Variants in TMEM182 observed in about 807,000 individuals in gnomAD.
The protein encoded by TMEM182 is transmembrane protein 182.
TMEM182 carries 20 observed loss-of-function variants against 26.8 expected under a neutral mutation model. The ratio of observed to expected loss-of-function variants is 0.75; its 90% confidence interval spans 0.53 to 1.09. TMEM182 has a LOEUF of 1.09. TMEM182 is among the 50% of genes least tolerant of loss of function. The probability of loss-of-function intolerance (pLI) is 0.00; values close to 1 mark genes in which losing one functional copy is unlikely to be tolerated. For synonymous variants in TMEM182, 109 were observed against 102.2 expected, an observed-to-expected ratio of 1.07 and a Z score of -0.40; for missense variants, 277 against 275.5, an observed-to-expected ratio of 1.01 and a Z score of -0.04.
In TMEM182 at chr2:102,744,918, C is replaced by T. The variant is rs559203459; in HGVS notation, c.-83+7905C>T. Among the ~76,000 whole-genome samples the T allele has an allele frequency of 3.9e-5, 6 of 152,108 alleles. No homozygotes were observed. The South Asian group carries it at 1.2e-3, about 32-fold the overall frequency. On this transcript the variant is annotated intron_variant, in intron 1 of 5. Coordinates refer to the TMEM182 transcript ENST00000409173. ...GGGCATTAATCCTACTTGGTATTCTCTGCATTTCCTGTCTCTGTCATTTGA... is the reference window on the plus strand; with the variant it reads ...GGGCATTAATCCTACTTGGTATTCTTTGCATTTCCTGTCTCTGTCATTTGA...
At chr2:102,750,579 G>A (rs536039240) in intron 1 of TMEM182, among the ~76,000 whole-genome samples, 5 of 152,114 alleles carry the variant, frequency 3.3e-5, no homozygotes, top group South Asian at 2.1e-4. Context: ...AGGTCTTTCC[G>A]GGTATTCAAT....
intron 4 of TMEM182, among the ~76,000 whole-genome samples, chr2:102,799,927 G>C (rs745812147): frequency 5.3e-5 from 8 of 152,038 alleles, no homozygotes; most frequent in Non-Finnish European, 1.0e-4. Flanking sequence ...CAGGAGGGCA[G>C]GAGAAGGTCA....
At position 102,834,426 on chromosome 2, in the gene TMEM182, G is replaced by C. The variant is rs796799206; in HGVS notation, c.326-8986G>C. Reference sequence around the variant, plus strand: ...GTAAACAGAAATCTAGAAGATGGGGGGATGGAAGTGAAGTGGAATGTAAAA... The same window carrying C: ...GTAAACAGAAATCTAGAAGATGGGGCGATGGAAGTGAAGTGGAATGTAAAA... On this transcript the variant is annotated intron_variant, in intron 3 of 3. Transcript: ENST00000486293. 1.0e-5 allele frequency: 10 copies of C among 985,308 alleles called. No individual in the cohort carries two copies. In the South Asian group the frequency reaches 3.3e-4, roughly 32 times the overall value. The allele number at this position is 985,308 out of a possible 1,614,324, so 61.0% of individuals were successfully genotyped here.
At chr2:102,792,829 A>G (rs757777143) in intron 3 of TMEM182, among the ~76,000 whole-genome samples, 1 of 152,168 alleles carries the variant, frequency 6.6e-6, no homozygotes, top group African/African-American at 2.4e-5. Flanking sequence ...GGGATTCAGA[A>G]TCAAAAGCTG....
At chr2:102,784,401 G>A (rs1028096576) in intron 3 of TMEM182, among the ~76,000 whole-genome samples, 3 of 151,582 alleles carry the variant, frequency 2.0e-5, no homozygotes, top group Admixed American at 1.3e-4. Flanking sequence ...ACTCCCATGC[G>A]AAACCAGACT....
chr2:102,756,096 C>G (rs1225112348), intron 1 of TMEM182, among the ~76,000 whole-genome samples: 1 of 152,146 alleles, frequency 6.6e-6, no homozygotes. Context: ...TGAGGAGCTA[C>G]TGGTGCTCCA....
At chr2:102,741,298 T>G (rs1410386017) in intron 1 of TMEM182, among the ~76,000 whole-genome samples, 1 of 152,114 alleles carries the variant, frequency 6.6e-6, no homozygotes, top group African/African-American at 2.4e-5. Flanking sequence ...TTAGAAACTC[T>G]TAGAGAGTTA....
intron 1 of TMEM182, among the ~76,000 whole-genome samples, chr2:102,756,943 G>C (rs1680057315): frequency 6.6e-6 from 1 of 152,054 alleles, no homozygotes; most frequent in Admixed American, 6.5e-5. Flanking sequence ...CTCCCAAGTA[G>C]GTGGGATTAC....
intron 3 of TMEM182, among the ~76,000 whole-genome samples, chr2:102,792,087 G>A (rs1277870600): frequency 1.3e-5 from 2 of 148,702 alleles, no homozygotes; most frequent in Non-Finnish European, 3.0e-5. Flanking sequence ...TAGCCTCTAA[G>A]GACAGTCTTT....
At chr2:102,767,484 T>A (rs2104667207) in intron 3 of TMEM182, among the ~76,000 whole-genome samples, 1 of 152,338 alleles carries the variant, frequency 6.6e-6, no homozygotes, top group East Asian at 1.9e-4. Flanking sequence ...TTGGCAACGA[T>A]GTACTGAACA....
chr2:102,802,354 G>A (rs1391083545), intron 4 of TMEM182, among the ~76,000 whole-genome samples: 1 of 152,166 alleles, frequency 6.6e-6, no homozygotes, highest in Admixed American at 6.5e-5. Flanking sequence ...GGCTCAGAAG[G>A]CTTGGAAGGT....
intron 4 of TMEM182, among the ~76,000 whole-genome samples, chr2:102,813,145 G>A (rs1682615373): frequency 6.6e-6 from 1 of 152,110 alleles, no homozygotes; most frequent in Non-Finnish European, 1.5e-5. Context: ...ATTCTTCATT[G>A]CTCTGTAGCT....
intron 4 of TMEM182, among the ~76,000 whole-genome samples, chr2:102,800,198 G>C (rs552743589): frequency 7.9e-5 from 12 of 152,174 alleles, no homozygotes; most frequent in African/African-American, 2.6e-4. Flanking sequence ...TCAGCGTAGG[G>C]TTTTAGTACA....
chr2:102,804,564 C>A (rs1373579763), intron 4 of TMEM182, among the ~76,000 whole-genome samples: 1 of 152,054 alleles, frequency 6.6e-6, no homozygotes, highest in African/African-American at 2.4e-5. Flanking sequence ...GGTTGATGGG[C>A]ATTTGGGTTG....
intron 1 of TMEM182, among the ~76,000 whole-genome samples, chr2:102,755,804 T>C (rs1680014749): frequency 6.6e-6 from 1 of 152,192 alleles, no homozygotes; most frequent in Non-Finnish European, 1.5e-5. Context: ...GCTCATTCAT[T>C]ATTAAACTGA....
chr2:102,822,199 C>A (rs74678940), downstream of TMEM182, among the ~76,000 whole-genome samples: 2,014 of 152,154 alleles, frequency 0.013, 45 homozygotes, highest in African/African-American at 0.046. Context: ...GAGATGCACA[C>A]TGGGGAGTCA....
At chr2:102,841,959 T>G (rs2104784354) in intron 3 of TMEM182, among the ~76,000 whole-genome samples, 1 of 152,348 alleles carries the variant, frequency 6.6e-6, no homozygotes, top group Middle Eastern at 3.4e-3. Flanking sequence ...ATGAAATGTA[T>G]TCAGGAAAGT....
rs1482158206 is a variant in TMEM182 at position 102,816,309 on chromosome 2, C to CA, written c.*1348dup. The stretch of plus-strand genomic sequence containing the variant: ...AGGACAGAGAGGCATGGCCCACAGG[C>CA]AAAAAAAGTCACCACCCAGAAGATG... On this transcript the variant is annotated 3_prime_UTR_variant, in exon 5 of 5. Coordinates refer to ENST00000412401, the MANE Select transcript of TMEM182 (RefSeq NM_144632.5). 4.1e-6 allele frequency: 4 copies of CA among 984,888 alleles called. No individual in the cohort carries two copies. Among genetic ancestry groups the CA allele is most frequent in the Non-Finnish European group, 4.8e-6 (4 of 829,838 alleles). The allele number at this position is 984,888 out of a possible 1,614,324, so 61.0% of individuals were successfully genotyped here.
upstream of TMEM182, among the ~76,000 whole-genome samples, chr2:102,757,053 A>C (rs1293045904): frequency 6.6e-6 from 1 of 151,940 alleles, no homozygotes; most frequent in Non-Finnish European, 1.5e-5. Flanking sequence ...CTCGTGATCC[A>C]CCTGCCTCGG....
Sources: gnomAD v4.1 joint callset for allele counts (sites outside exome capture counted in the v4.1 genomes callset) on GRCh38, gnomAD v4.1.1 for gene constraint, MANE v1.5 for transcripts, NCBI Gene and HGNC (gene_info 2026-07-23, HGNC 2026-07-21) for gene names.